COL5A2: variants seen among roughly 807,000 people sequenced by gnomAD.
COL5A2 encodes the protein collagen alpha-2(V) chain.
A neutral mutation model predicts 208.2 loss-of-function variants in COL5A2; 23 were observed. That is an observed-to-expected ratio of 0.11 (90% CI 0.08 to 0.16). The LOEUF (loss-of-function observed/expected upper bound fraction) is 0.16, where lower values mean the gene tolerates loss of function less well. COL5A2 is among the 10% of genes least tolerant of loss of function. The pLI is 1.00. For synonymous variants in COL5A2, 625 were observed against 628.5 expected (o/e 0.99, Z 0.08); for missense variants, 1,590 against 1,956.4 (o/e 0.81, Z 3.53).
chr2:189,175,584 C>A (rs1193912600), intron 1 of COL5A2, among the ~76,000 whole-genome samples: 1 of 147,310 alleles, frequency 6.8e-6, no homozygotes, highest in Non-Finnish European at 1.5e-5. Flanking sequence ...CACTCTGTCA[C>A]CCAGACTGGA....
chr2:189,229,165 C>T (rs370879371), upstream of COL5A2, among the ~76,000 whole-genome samples: 3 of 151,674 alleles, frequency 2.0e-5, no homozygotes, highest in East Asian at 5.8e-4. Flanking sequence ...CATAACATAA[C>T]AAGGTTATAT....
Position 189,039,483 on chromosome 2 carries a change from C to T in COL5A2, c.3714G>A (p.Gly1238=). The T allele has an allele frequency of 1.2e-6, 2 of 1,614,032 alleles. No individual in the cohort carries two copies. The highest frequency in any genetic ancestry group is 1.7e-6 in the Non-Finnish European group (2 of 1,180,008). Residue 1238 remains glycine, a synonymous_variant, in exon 51 of 54, where the codon GGG becomes GGA. Transcript: ENST00000374866. The stretch of plus-strand genomic sequence containing the variant: ...GATCTGGCATGCTTTCATCATAGTG[C>T]CCCATGATATCCCCAAGAGCAGCTG... The part of the protein sequence containing the change: ...HLTAALGDIM[G]HYDESMPDPL...
the COL5A2 span, among the ~76,000 whole-genome samples, chr2:189,432,332 T>C: frequency 1.3e-5 from 2 of 152,190 alleles, no homozygotes; most frequent in Admixed American, 1.3e-4. Context: ...CACATAATTA[T>C]ATTAACGTTA....
the COL5A2 span, among the ~76,000 whole-genome samples, chr2:189,263,430 C>A: frequency 6.6e-6 from 1 of 152,088 alleles, no homozygotes; most frequent in African/African-American, 2.4e-5. Context: ...TAGTCCCATA[C>A]GTTTATAATG....
At chr2:189,136,400 G>A (rs1339936323) in intron 1 of COL5A2, among the ~76,000 whole-genome samples, 1 of 150,122 alleles carries the variant, frequency 6.7e-6, no homozygotes, top group Non-Finnish European at 1.5e-5. Context: ...AGCTTCATAT[G>A]TGTGTATTGA....
chr2:189,036,761 G>A lies in COL5A2; in HGVS notation c.3968C>T (p.Ala1323Val). 1 of 1,613,508 alleles carries A rather than the reference G, an allele frequency of 6.2e-7. No homozygotes were observed. The highest frequency in any genetic ancestry group is 2.2e-5 in the East Asian group (1 of 44,848). Reference sequence around the variant, plus strand: ...TTCCATGTTGCAGTAAACTTTGATTGCATCTTCAACAGATCCTTGGTTAGG... The same window carrying A: ...TTCCATGTTGCAGTAAACTTTGATTACATCTTCAACAGATCCTTGGTTAGG... Reference protein sequence around the residue: ...IDPNQGSVEDAIKVYCNMETG... With the variant: ...IDPNQGSVEDVIKVYCNMETG... Residue 1323 changes from alanine (A) to valine (V), a missense_variant, in exon 52 of 54, where the codon GCA becomes GTA. Physicochemically the swap from Ala to Val is moderately conservative, Grantham distance 64. Transcript: ENST00000374866.
At chr2:189,343,149 G>A in the COL5A2 span, among the ~76,000 whole-genome samples, 1 of 151,696 alleles carries the variant, frequency 6.6e-6, no homozygotes, top group African/African-American at 2.4e-5. Context: ...TGAATTTTCT[G>A]CTTGGTCTTA....
At chr2:189,127,184 A>G (rs1687622999) in intron 1 of COL5A2, among the ~76,000 whole-genome samples, 1 of 152,086 alleles carries the variant, frequency 6.6e-6, no homozygotes. Context: ...AAAGGCAGGG[A>G]AAGAGAAGAG....
upstream of COL5A2, among the ~76,000 whole-genome samples, chr2:189,180,379 G>A (rs1688761790): frequency 6.6e-6 from 1 of 152,166 alleles, no homozygotes; most frequent in Non-Finnish European, 1.5e-5. Context: ...AAGAAAGCAT[G>A]TCCTTTCCTA....
the COL5A2 span, among the ~76,000 whole-genome samples, chr2:189,328,410 T>G: frequency 0.036 from 5,535 of 152,282 alleles, 114 homozygotes; most frequent in Admixed American, 0.05. Context: ...AAATTCTTAT[T>G]GAAGTCCCAG....
the COL5A2 span, among the ~76,000 whole-genome samples, chr2:189,396,671 TAAAA>T: frequency 5.1e-4 from 52 of 102,354 alleles, no homozygotes; most frequent in Non-Finnish European, 4.9e-4. Context: ...AAGACTCCAT[TAAAA>T]AAAAAAAAAA....
intron 39 of COL5A2, 34 bp from the exon 40 acceptor site, chr2:189,052,836 A>C: frequency 6.2e-7 from 1 of 1,613,368 alleles, no homozygotes. Flanking sequence ...CACTATAGTG[A>C]AGCAAAAGAG....
At chr2:189,073,442 C>T (rs960196269) in intron 17 of COL5A2, among the ~76,000 whole-genome samples, 32 of 152,144 alleles carry the variant, frequency 2.1e-4, no homozygotes, top group Non-Finnish European at 1.3e-4. Flanking sequence ...CAGCTATCCA[C>T]ATTGATGACC....
the COL5A2 span, among the ~76,000 whole-genome samples, chr2:189,255,842 GATA>G: frequency 6.6e-6 from 1 of 151,764 alleles, no homozygotes; most frequent in African/African-American, 2.4e-5. Context: ...AAGGGATTAA[GATA>G]ATGTTTCATA....
chr2:189,054,079 T>G (rs1343125470), intron 36 of COL5A2, 80 bp downstream of exon 36: 3 of 1,449,590 alleles, frequency 2.1e-6, no homozygotes, highest in Non-Finnish European at 1.9e-6. Context: ...CCATATGTTA[T>G]AAAATGAAAA....
chr2:189,181,910 A>G (rs1159515571), upstream of COL5A2, among the ~76,000 whole-genome samples: 1 of 152,206 alleles, frequency 6.6e-6, no homozygotes, highest in East Asian at 1.9e-4. Flanking sequence ...CACCCTACTG[A>G]AAGCTCATGG....
chr2:189,088,787 T>C lies in COL5A2; in HGVS notation c.568-15A>G, dbSNP rs1057522247. The C allele has an allele frequency of 1.2e-6, 2 of 1,608,364 alleles. No homozygotes were observed. The highest frequency in any genetic ancestry group is 1.7e-6 in the Non-Finnish European group (2 of 1,174,768). The stretch of plus-strand genomic sequence containing the variant: ...GCTGAAAACGGCTGTAAAAGCGATA[T>C]GTTGACATTATTTCTACAGTAAAAG... On this transcript the variant is annotated splice_polypyrimidine_tract_variant and intron_variant, in intron 7 of 53. Coordinates refer to ENST00000374866, the MANE Select transcript of COL5A2 (RefSeq NM_000393.5).
intron 2 of COL5A2, among the ~76,000 whole-genome samples, chr2:189,108,936 A>G (rs1156669560): frequency 6.8e-6 from 1 of 146,508 alleles, no homozygotes; most frequent in Non-Finnish European, 1.5e-5. Flanking sequence ...TCTGCTTTAT[A>G]GCCTTCTTTC....
At chr2:189,408,484 C>T in the COL5A2 span, among the ~76,000 whole-genome samples, 2 of 152,096 alleles carry the variant, frequency 1.3e-5, no homozygotes, top group Admixed American at 1.3e-4. Context: ...ATTCTTAATA[C>T]TGGTCTGAAG....
Sources: gnomAD v4.1 joint callset for allele counts (sites outside exome capture counted in the v4.1 genomes callset) on GRCh38, gnomAD v4.1.1 for gene constraint, MANE v1.5 for transcripts, NCBI Gene and HGNC (gene_info 2026-07-23, HGNC 2026-07-21) for gene names.